The following ADNP2 variants were observed in gnomAD, a reference collection of about 807,000 sequenced individuals.
ADNP2 encodes the protein activity-dependent neuroprotector homeobox protein 2.
ADNP2 carries 8 observed loss-of-function variants against 16.4 expected under a neutral mutation model. The observed-to-expected ratio is 0.49, with a 90% CI of 0.29 to 0.88. The LOEUF (loss-of-function observed/expected upper bound fraction) is 0.88. ADNP2 is among the 40% of genes least tolerant of loss of function. The probability of loss-of-function intolerance (pLI) is 0.09; values close to 1 mark genes in which losing one functional copy is unlikely to be tolerated. For missense variants in ADNP2, 1,397 were observed against 1,395.1 expected (o/e 1.00, Z -0.02); for synonymous variants, 637 against 545.8 (o/e 1.17, Z -2.33).
In ADNP2 at chr18:80,140,301, T is replaced by G. The variant is rs1469855147; in HGVS notation, c.*1492T>G. 6.6e-6 allele frequency: 1 copy of G among 152,634 alleles called. No homozygotes were observed. The highest frequency in any genetic ancestry group is 1.5e-5 in the Non-Finnish European group (1 of 68,040). The allele number at this position is 152,634 out of a possible 1,614,324, so 9.5% of individuals were successfully genotyped here. On this transcript the variant is annotated 3_prime_UTR_variant, in exon 4 of 4. Coordinates refer to ENST00000262198, the MANE Select transcript of ADNP2 (RefSeq NM_014913.4). Reference sequence around the variant, plus strand: ...AACATTTTTTTTTTTTACCTATTGTTTTCAGAGTGTCTATTTTGAATTAAA... The same window carrying G: ...AACATTTTTTTTTTTTACCTATTGTGTTCAGAGTGTCTATTTTGAATTAAA...
intron 2 of ADNP2, among the ~76,000 whole-genome samples, chr18:80,120,332 T>C (rs992807388): frequency 7.9e-6 from 1 of 127,280 alleles, no homozygotes; most frequent in Non-Finnish European, 1.6e-5. Context: ...GTATATTCTT[T>C]TCTTTTTTTT....
intron 3 of ADNP2, among the ~76,000 whole-genome samples, chr18:80,134,327 C>T (rs56869405): frequency 6.6e-6 from 1 of 151,956 alleles, no homozygotes; most frequent in East Asian, 1.9e-4. Flanking sequence ...CCACTGCACT[C>T]CAGCCTCAGT....
chr18:80,135,905 C>T lies in ADNP2; in HGVS notation c.492C>T (p.Asn164=), dbSNP rs1222834470. 1.2e-6 allele frequency: 2 copies of T among 1,614,210 alleles called. No homozygotes were observed. The highest frequency in any genetic ancestry group is 1.7e-6 in the Non-Finnish European group (2 of 1,180,032). The stretch of plus-strand genomic sequence containing the variant: ...CATGTCTAAAATGTAACTTTTCAAA[C>T]ACTTTGTACTACAGCATGAAGAAGC... ...SFTCLKCNFS[N]TLYYSMKKHV... The change falls in exon 4 of 4, where the codon AAC becomes AAT. Residue 164 remains asparagine, a synonymous_variant. Coordinates refer to ENST00000262198, the MANE Select transcript of ADNP2 (RefSeq NM_014913.4).
At position 80,136,958 on chromosome 18, in the gene ADNP2, C is replaced by G. The variant is rs953532244; in HGVS notation, c.1545C>G (p.Val515=). Residue 515 remains valine, a synonymous_variant, in exon 4 of 4, where the codon GTC becomes GTG. Transcript: ENST00000262198. ...PLRVISAGQV[V]PSGLLSPNQT... ...GGGTTATCTCTGCAGGCCAGGTGGTCCCGTCTGGGCTTCTTTCTCCCAACC... is the reference window on the plus strand; with the variant it reads ...GGGTTATCTCTGCAGGCCAGGTGGTGCCGTCTGGGCTTCTTTCTCCCAACC... 5 of 1,613,840 alleles carry G rather than the reference C, an allele frequency of 3.1e-6. No homozygotes were observed. Among genetic ancestry groups the G allele is most frequent in the Non-Finnish European group, 4.2e-6 (5 of 1,179,832 alleles).
At chr18:80,126,368 G>A (rs72976382) in intron 2 of ADNP2, among the ~76,000 whole-genome samples, 38,731 of 152,006 alleles carry the variant, frequency 0.25, 6,428 homozygotes, top group Non-Finnish European at 0.38. Context: ...TGTCATTGAT[G>A]ATAGTCTTCA....
chr18:80,117,182 G>A (rs772320706), intron 1 of ADNP2, among the ~76,000 whole-genome samples: 23 of 152,020 alleles, frequency 1.5e-4, no homozygotes, highest in Non-Finnish European at 2.8e-4. Flanking sequence ...TTTAATTTTG[G>A]TGAAGTCCAT....
intron 2 of ADNP2, among the ~76,000 whole-genome samples, chr18:80,124,572 A>G (rs2052446007): frequency 6.6e-6 from 1 of 152,184 alleles, no homozygotes; most frequent in African/African-American, 2.4e-5. Flanking sequence ...CCATGAGTCC[A>G]TCTATCCAGA....
At chr18:80,133,253 T>C (rs1599819412) in intron 3 of ADNP2, 61 bp downstream of exon 3, 3 of 1,351,882 alleles carry the variant, frequency 2.2e-6, no homozygotes, top group African/African-American at 1.4e-5. Flanking sequence ...ACTGTAAATG[T>C]GGTCTAAAGA....
At chr18:80,111,462 C>G (rs185030816) in intron 1 of ADNP2, among the ~76,000 whole-genome samples, 144 of 152,142 alleles carry the variant, frequency 9.5e-4, no homozygotes, top group Non-Finnish European at 1.7e-3. Flanking sequence ...GCACACAACT[C>G]CAGAATCCTT....
chr18:80,127,011 G>T (rs1278981626), intron 2 of ADNP2, among the ~76,000 whole-genome samples: 1 of 152,178 alleles, frequency 6.6e-6, no homozygotes, highest in Non-Finnish European at 1.5e-5. Flanking sequence ...ACCACAAGAA[G>T]GGTGAGCACA....
chr18:80,130,898 T>TGAA (rs2052492092), intron 2 of ADNP2, among the ~76,000 whole-genome samples: 1 of 152,186 alleles, frequency 6.6e-6, no homozygotes, highest in East Asian at 1.9e-4. Context: ...TTCTCAGTTG[T>TGAA]GAAACTGTGA....
chr18:80,119,272 T>C (rs1011968381), intron 2 of ADNP2, among the ~76,000 whole-genome samples: 1 of 151,940 alleles, frequency 6.6e-6, no homozygotes, highest in Non-Finnish European at 1.5e-5. Context: ...ATCTGACCAA[T>C]TTACACAAAA....
At chr18:80,133,442 A>G (rs550560969) in intron 3 of ADNP2, among the ~76,000 whole-genome samples, 2 of 152,216 alleles carry the variant, frequency 1.3e-5, no homozygotes, top group Non-Finnish European at 2.9e-5. Flanking sequence ...TGATTATAAG[A>G]TATCATTGCT....
At chr18:80,121,201 C>T (rs2052422740) in intron 2 of ADNP2, among the ~76,000 whole-genome samples, 2 of 152,062 alleles carry the variant, frequency 1.3e-5, no homozygotes, top group African/African-American at 4.8e-5. Flanking sequence ...CCCTCTGTCC[C>T]TCTTCCTTTT....
rs760890201 is a variant in ADNP2, at chr18:80,137,733, T to C, written c.2320T>C (p.Phe774Leu). The change falls in exon 4 of 4, where the codon TTC becomes CTC. Residue 774 changes from phenylalanine to leucine, a missense_variant. Physicochemically the swap from Phe to Leu is conservative, Grantham distance 22. This residue lies in a region of ADNP2 where 611 missense variants were observed against 648.7 expected (regional missense o/e 0.94). Transcript: ENST00000262198. The surrounding 1 kb of genome is among the most constrained non-coding windows in gnomAD (Gnocchi z 4.2). ...GCTGATGCATGGCTTGGGGTGCTTG[T>C]TCTGTCCATGCACCTTCCATGATAT... ...HLLMHGLGCL[F>L]CPCTFHDIKG... is the part of the protein sequence containing the mutation. 3 of 1,614,118 alleles carry C rather than the reference T, an allele frequency of 1.9e-6. No homozygotes were observed. Among genetic ancestry groups the C allele is most frequent in the African/African-American group, 1.3e-5 (1 of 75,054 alleles).
chr18:80,133,181 G>A lies in ADNP2; in HGVS notation c.187G>A (p.Gly63Arg). The A allele has an allele frequency of 6.2e-7, 1 of 1,612,310 alleles. No homozygotes were observed. Among genetic ancestry groups the A allele is most frequent in the Non-Finnish European group, 8.5e-7 (1 of 1,178,510 alleles). ...WGDVSLWEPS[G>R]KKVRYRTKPY... ...TGATGTTTCTCTCTGGGAACCTTCT[G>A]GAAAGAAAGTGGTATGTATTTTTTG... The change falls in exon 3 of 4, where the codon GGA (glycine) becomes AGA (arginine). Residue 63 changes from glycine (G) to arginine (R), a missense_variant. Physicochemically the swap from Gly to Arg is moderately radical, Grantham distance 125 (BLOSUM62 -2). Around this residue, in one of 3 missense-constraint regions of ADNP2, gnomAD observed 777 missense variants for 719.4 expected, o/e 1.08. Transcript: ENST00000262198.
rs750244801 is a variant in ADNP2, at chr18:80,138,019, G to A, written c.2606G>A (p.Ser869Asn). The A allele has an allele frequency of 3.1e-6, 5 of 1,613,518 alleles. No individual in the cohort carries two copies. The East Asian group carries it at 1.1e-4, about 36-fold the overall frequency. Residue 869 changes from serine (S) to asparagine (N), a missense_variant, in exon 4 of 4, where the codon AGC (serine) becomes AAC (asparagine). Physicochemically the swap from Ser to Asn is conservative, Grantham distance 46. Coordinates refer to ENST00000262198, the MANE Select transcript of ADNP2 (RefSeq NM_014913.4). ...VRPQAEGTPG[S>N]TGKRVSTCPF... ...CCTCAGGCTGAGGGCACCCCCGGGA[G>A]CACCGGCAAGCGAGTGTCCACCTGC...
At position 80,134,386 on chromosome 18, in the gene ADNP2, AGTGTGT is replaced by A. The variant is rs34515123; in HGVS notation, c.199-1198_199-1193del. 7.3e-3 allele frequency among the ~76,000 whole-genome samples: 1,074 copies of A among 146,306 alleles called. 5 individuals carry two copies. The highest frequency in any genetic ancestry group is 0.014 in the African/African-American group (544 of 39,610). On this transcript the variant is annotated intron_variant, in intron 3 of 3. Coordinates refer to ENST00000262198, the MANE Select transcript of ADNP2 (RefSeq NM_014913.4). ...AAAACAAAAAACTGAAGAATGGAAG[AGTGTGT>A]GTGTGTGTGTGTGTGTGTGTGTGTG...
At chr18:80,125,938 C>T (rs1456437731) in intron 2 of ADNP2, among the ~76,000 whole-genome samples, 1 of 152,148 alleles carries the variant, frequency 6.6e-6, no homozygotes, top group East Asian at 1.9e-4. Flanking sequence ...ACTCTACAGG[C>T]AGCAAAGCCT....
Sources: gnomAD v4.1 joint callset for allele counts (sites outside exome capture counted in the v4.1 genomes callset) on GRCh38, gnomAD v4.1.1 for gene constraint, gnomAD v4.1.1 regional missense constraint, Gnocchi (gnomAD v3.1) non-coding constraint, MANE v1.5 for transcripts, NCBI Gene and HGNC (gene_info 2026-07-23, HGNC 2026-07-21) for gene names.